The following CASK variants were observed in gnomAD, a reference collection of about 807,000 sequenced individuals.
CASK encodes the protein peripheral plasma membrane protein CASK.
CASK carries 4 observed loss-of-function variants against 82.9 expected under a neutral mutation model. The observed-to-expected ratio is 0.05, with a 90% CI of 0.02 to 0.11. CASK has a LOEUF of 0.11. Ranked by LOEUF, CASK falls within the 10% of genes least tolerant of loss-of-function variation. CASK has a pLI of 1.00. For synonymous variants in CASK, 259 were observed against 253.5 expected (o/e 1.02, Z -0.20); for missense variants, 358 against 720.9 (o/e 0.50, Z 5.76).
intron 12 of CASK, among the ~76,000 whole-genome samples, chrX:41,606,559 T>C (rs1416529331): frequency 7.2e-5 from 8 of 111,806 alleles, no homozygotes; most frequent in Admixed American, 1.9e-4. Context: ...GGCCTAAACT[T>C]TCATTTAGAA....
chrX:41,857,678 G>A (rs976079063), intron 1 of CASK, among the ~76,000 whole-genome samples: 6 of 111,485 alleles, frequency 5.4e-5, no homozygotes, highest in Non-Finnish European at 1.1e-4. Context: ...AAATGAAGGG[G>A]AAGAAATTAA....
At chrX:41,838,940 T>C (rs1287567656) in intron 2 of CASK, among the ~76,000 whole-genome samples, 1 of 111,448 alleles carries the variant, frequency 9.0e-6, no homozygotes, top group Non-Finnish European at 1.9e-5. Flanking sequence ...TTTGAATCTT[T>C]CTCAAAAACT....
intron 14 of CASK, among the ~76,000 whole-genome samples, chrX:41,583,001 G>A (rs1237466997): frequency 8.9e-6 from 1 of 111,909 alleles, no homozygotes; most frequent in Non-Finnish European, 1.9e-5. Context: ...AGTTCCATGA[G>A]GGCAGGGATC....
intron 12 of CASK, among the ~76,000 whole-genome samples, chrX:41,596,806 G>C (rs1448972669): frequency 1.8e-5 from 2 of 111,822 alleles, no homozygotes; most frequent in African/African-American, 3.3e-5. Context: ...CTGGTACTGA[G>C]TCAGATATGA....
chrX:41,528,328 G>A (rs1327932381), intron 25 of CASK, among the ~76,000 whole-genome samples: 1 of 112,480 alleles, frequency 8.9e-6, no homozygotes, highest in African/African-American at 3.2e-5. Flanking sequence ...CTAGTTTAAT[G>A]TCTTTACCAT....
intron 9 of CASK, 89 bp from the exon 10 acceptor site, chrX:41,626,792 TC>T: frequency 1.6e-6 from 1 of 611,347 alleles, no homozygotes; most frequent in Admixed American, 2.6e-5. Context: ...TTAAGGATTA[TC>T]CATTAAGTCA....
At chrX:41,736,951 G>A (rs773465459) in intron 5 of CASK, among the ~76,000 whole-genome samples, 4 of 112,063 alleles carry the variant, frequency 3.6e-5, no homozygotes, top group African/African-American at 1.3e-4. Context: ...CCACGAACAA[G>A]TTCTCCCATC....
At chrX:41,616,401 C>T (rs1483805571) in intron 11 of CASK, among the ~76,000 whole-genome samples, 2 of 110,840 alleles carry the variant, frequency 1.8e-5, no homozygotes, top group Admixed American at 9.7e-5. Flanking sequence ...CATGGAAGGG[C>T]ATAACTAGTA....
intron 12 of CASK, among the ~76,000 whole-genome samples, chrX:41,596,120 G>A (rs1318330933): frequency 4.8e-5 from 5 of 104,591 alleles, no homozygotes; most frequent in African/African-American, 1.4e-4. Context: ...GCTTGAACCC[G>A]AGAGGTGGAG....
rs188349633 is a variant in CASK at position 41,649,620 on chromosome X, G to T, written c.831+10819C>A. Reference sequence around the variant, plus strand: ...TTTGATTGCACTGGTCTGAGAGACAGTTTGTTATAATTTCTGTTCTTTTAC... The same window carrying T: ...TTTGATTGCACTGGTCTGAGAGACATTTTGTTATAATTTCTGTTCTTTTAC... On this transcript the variant is annotated intron_variant, in intron 8 of 26. Transcript: ENST00000378163. Among the ~76,000 whole-genome samples the T allele has an allele frequency of 4.3e-3, 480 of 112,096 alleles. 3 individuals are homozygous for T. Among genetic ancestry groups the T allele is most frequent in the Middle Eastern group, 9.2e-3 (2 of 218 alleles).
At chrX:41,795,615 A>G (rs919346183) in intron 2 of CASK, among the ~76,000 whole-genome samples, 2 of 111,257 alleles carry the variant, frequency 1.8e-5, no homozygotes, top group Admixed American at 1.9e-4. Flanking sequence ...GCAGTCAGCC[A>G]AGATCATGCC....
intron 1 of CASK, among the ~76,000 whole-genome samples, chrX:41,912,773 T>A (rs1407535868): frequency 2.0e-5 from 2 of 99,512 alleles, no homozygotes; most frequent in Non-Finnish European, 4.1e-5. Context: ...CCTCTCTCCT[T>A]CCCTCTTGCA....
intron 1 of CASK, among the ~76,000 whole-genome samples, chrX:41,867,888 A>T (rs2071619579): frequency 8.9e-6 from 1 of 112,354 alleles, no homozygotes; most frequent in African/African-American, 3.2e-5. Flanking sequence ...TTCAGTTTGT[A>T]TGATCTGGCA....
intron 6 of CASK, among the ~76,000 whole-genome samples, chrX:41,668,256 C>T (rs1044621270): frequency 3.6e-5 from 4 of 111,515 alleles, no homozygotes; most frequent in African/African-American, 9.8e-5. Flanking sequence ...CTATCCAACT[C>T]GGGATGGTGA....
chrX:41,607,948 G>C (rs1380909943), intron 12 of CASK, among the ~76,000 whole-genome samples: 5 of 112,044 alleles, frequency 4.5e-5, no homozygotes, highest in African/African-American at 6.5e-5. Flanking sequence ...TCAAATTTTA[G>C]AATCACATGT....
intron 5 of CASK, among the ~76,000 whole-genome samples, chrX:41,691,013 A>G (rs1312119963): frequency 8.9e-6 from 1 of 112,001 alleles, no homozygotes; most frequent in Non-Finnish European, 1.9e-5. Context: ...GCTGTCTAAT[A>G]CATAGTTCTA....
intron 4 of CASK, among the ~76,000 whole-genome samples, chrX:41,741,233 G>C (rs2068593066): frequency 8.9e-6 from 1 of 111,862 alleles, no homozygotes. Context: ...CCCATTACTG[G>C]TTCAAATCAG....
intron 3 of CASK, among the ~76,000 whole-genome samples, chrX:41,751,094 T>A (rs1361362149): frequency 8.9e-6 from 1 of 111,974 alleles, no homozygotes; most frequent in Non-Finnish European, 1.9e-5. Context: ...ATTTATTTTT[T>A]AAATGGAGAC....
chrX:41,892,222 ATTT>A (rs753034665), intron 1 of CASK, among the ~76,000 whole-genome samples: 4 of 90,265 alleles, frequency 4.4e-5, no homozygotes, highest in Admixed American at 1.2e-4. Flanking sequence ...TTCAACGAGA[ATTT>A]TTTTTTTTTT....
Sources: allele counts gnomAD v4.1 joint callset (sites outside exome capture counted in the v4.1 genomes callset), GRCh38; gene constraint gnomAD v4.1.1; transcripts MANE v1.5; gene names NCBI Gene and HGNC (gene_info 2026-07-23, HGNC 2026-07-21).